The following SORCS1 variants were observed in gnomAD, a reference collection of about 807,000 sequenced individuals.
The protein encoded by SORCS1 is VPS10 domain-containing receptor SorCS1.
In SORCS1, 60 loss-of-function variants were observed where a neutral mutation model predicts 146.1. That is an observed-to-expected ratio of 0.41 (90% CI 0.33 to 0.51). The LOEUF is 0.51. Ranked by LOEUF, SORCS1 falls within the 20% of genes least tolerant of loss-of-function variation. The pLI is 0.21. For missense variants in SORCS1, 1,352 were observed against 1,487.6 expected (o/e 0.91, Z 1.50); for synonymous variants, 637 against 584.0 (o/e 1.09, Z -1.31).
At chr10:106,770,347 C>T (rs1162427731) in intron 4 of SORCS1, among the ~76,000 whole-genome samples, 3 of 152,006 alleles carry the variant, frequency 2.0e-5, no homozygotes, top group East Asian at 1.9e-4. Flanking sequence ...CCAAAATAAG[C>T]GAGTCAATAT....
At chr10:106,808,573 G>A (rs1000050158) in intron 3 of SORCS1, among the ~76,000 whole-genome samples, 1 of 152,066 alleles carries the variant, frequency 6.6e-6, no homozygotes, top group Admixed American at 6.5e-5. Context: ...CGTGATCTCG[G>A]CTCACTGCAA....
chr10:106,976,706 C>T (rs1012146873), intron 1 of SORCS1, among the ~76,000 whole-genome samples: 1 of 152,074 alleles, frequency 6.6e-6, no homozygotes, highest in African/African-American at 2.4e-5. Flanking sequence ...CCTCTCACCC[C>T]CAATTGGCTC....
At chr10:106,974,024 T>C (rs1336052029) in intron 1 of SORCS1, among the ~76,000 whole-genome samples, 5 of 152,112 alleles carry the variant, frequency 3.3e-5, no homozygotes, top group African/African-American at 7.2e-5. Flanking sequence ...GAGTCAGTCA[T>C]GAGGCTTTTT....
chr10:106,984,897 G>A (rs960927171), intron 1 of SORCS1, among the ~76,000 whole-genome samples: 1 of 151,968 alleles, frequency 6.6e-6, no homozygotes. Context: ...GAAAAATATA[G>A]GGCAAGCAGG....
intron 2 of SORCS1, among the ~76,000 whole-genome samples, chr10:106,954,481 GTAACCAGGGAC>G (rs1178526750): frequency 1.3e-5 from 2 of 152,144 alleles, no homozygotes; most frequent in Non-Finnish European, 2.9e-5. Context: ...TTACATCCCT[GTAACCAGGGAC>G]TATATCCAGA....
At chr10:107,028,080 A>G (rs373758479) in intron 1 of SORCS1, among the ~76,000 whole-genome samples, 26 of 152,298 alleles carry the variant, frequency 1.7e-4, no homozygotes, top group African/African-American at 6.0e-4. Flanking sequence ...TTCTTGTCGT[A>G]TTTTATCGCT....
chr10:106,876,838 G>A (rs111454925), intron 2 of SORCS1, among the ~76,000 whole-genome samples: 6 of 152,078 alleles, frequency 3.9e-5, no homozygotes, highest in South Asian at 4.1e-4. Context: ...ATAACTTCTC[G>A]TGTCTCTTGC....
In SORCS1 at chr10:107,025,712, G is replaced by C. The variant is rs147767229; in HGVS notation, c.559-69132C>G. On this transcript the variant is annotated intron_variant, in intron 1 of 25. Coordinates refer to ENST00000263054, the MANE Select transcript of SORCS1 (RefSeq NM_052918.5). ...GATAAATTCAGATGGTCAGGCAAAG[G>C]TTAACTTCTGGAGGACCCTTGATGT... Among the ~76,000 whole-genome samples the C allele has an allele frequency of 3.7e-4, 57 of 152,308 alleles. 2 individuals carry two copies. The East Asian group carries it at 0.01, about 27-fold the overall frequency.
intron 1 of SORCS1, among the ~76,000 whole-genome samples, chr10:107,122,015 G>A (rs1193419160): frequency 6.6e-6 from 1 of 152,158 alleles, no homozygotes; most frequent in East Asian, 1.9e-4. Context: ...GTGTCCCAAG[G>A]GAAAAAGCAC....
At chr10:107,136,473 A>G (rs1967310619) in intron 1 of SORCS1, among the ~76,000 whole-genome samples, 1 of 152,192 alleles carries the variant, frequency 6.6e-6, no homozygotes, top group Non-Finnish European at 1.5e-5. Context: ...GGTTTGCTGC[A>G]GTAGTAAAGG....
chr10:106,758,984 G>A (rs947685665), intron 5 of SORCS1, among the ~76,000 whole-genome samples: 2 of 152,208 alleles, frequency 1.3e-5, no homozygotes, highest in Admixed American at 1.3e-4. Flanking sequence ...TGTTATCTCT[G>A]AGCCAGTTTG....
chr10:106,967,667 G>T (rs902331961), intron 1 of SORCS1, among the ~76,000 whole-genome samples: 5 of 152,222 alleles, frequency 3.3e-5, no homozygotes, highest in African/African-American at 4.8e-5. Context: ...AGCATATCTT[G>T]CGCAAGCCCA....
At chr10:106,828,704 G>C (rs971974038) in intron 3 of SORCS1, among the ~76,000 whole-genome samples, 1 of 152,164 alleles carries the variant, frequency 6.6e-6, no homozygotes, top group African/African-American at 2.4e-5. Flanking sequence ...TTTGGAATTT[G>C]ATAATGCAAG....
At chr10:106,635,801 A>G in intron 18 of SORCS1, among the ~76,000 whole-genome samples, 1 of 152,196 alleles carries the variant, frequency 6.6e-6, no homozygotes, top group Admixed American at 6.5e-5. Context: ...TTTGACCACA[A>G]AGTAAGATTT....
At chr10:107,047,422 C>T (rs1386167241) in intron 1 of SORCS1, among the ~76,000 whole-genome samples, 1 of 152,160 alleles carries the variant, frequency 6.6e-6, no homozygotes, top group Non-Finnish European at 1.5e-5. Flanking sequence ...GTCTGTACAG[C>T]CCTGATAGGT....
chr10:106,927,199 A>T (rs201572372), intron 2 of SORCS1, among the ~76,000 whole-genome samples: 2 of 152,146 alleles, frequency 1.3e-5, no homozygotes, highest in East Asian at 3.9e-4. Context: ...AGTGAGTGTT[A>T]CAGTTCTTAA....
At chr10:107,051,699 G>T (rs56775391) in intron 1 of SORCS1, among the ~76,000 whole-genome samples, 104 of 152,182 alleles carry the variant, frequency 6.8e-4, no homozygotes, top group African/African-American at 2.4e-3. Context: ...GAACTAATTT[G>T]TACTGGCTTG....
intron 3 of SORCS1, among the ~76,000 whole-genome samples, chr10:106,806,520 T>C (rs1366442703): frequency 2.3e-4 from 26 of 113,286 alleles, no homozygotes; most frequent in African/African-American, 8.8e-4. Context: ...TTTTTTTTTT[T>C]TTTTTTTTTT....
At chr10:106,682,345 C>T (rs1465128472) in intron 10 of SORCS1, among the ~76,000 whole-genome samples, 1 of 152,042 alleles carries the variant, frequency 6.6e-6, no homozygotes, top group South Asian at 2.1e-4. Context: ...CTTTTTTCTC[C>T]ACTCTCACAT....
Sources: gnomAD v4.1 joint callset for allele counts (sites outside exome capture counted in the v4.1 genomes callset) on GRCh38, gnomAD v4.1.1 for gene constraint, MANE v1.5 for transcripts, NCBI Gene and HGNC (gene_info 2026-07-23, HGNC 2026-07-21) for gene names.